DNAH8: variants seen among roughly 807,000 people sequenced by gnomAD.
DNAH8 encodes axonemal beta dynein heavy chain 8.
Under a neutral mutation model 562.1 loss-of-function variants are expected in DNAH8, and 382 were observed. The observed-to-expected ratio is 0.68, with a 90% CI of 0.63 to 0.74. The LOEUF (loss-of-function observed/expected upper bound fraction) is 0.74. Ranked by LOEUF, DNAH8 falls within the 30% of genes least tolerant of loss-of-function variation. DNAH8 has a pLI of 0.00. For missense variants in DNAH8, 5,203 were observed against 5,620.4 expected, an observed-to-expected ratio of 0.93 and a Z score of 2.37; for synonymous variants, 1,881 against 1,919.4, an observed-to-expected ratio of 0.98 and a Z score of 0.52.
intron 91 of DNAH8, among the ~76,000 whole-genome samples, chr6:39,018,502 C>T (rs1766699436): frequency 6.6e-6 from 1 of 152,200 alleles, no homozygotes; most frequent in African/African-American, 2.4e-5. Flanking sequence ...TCGGCCCCCT[C>T]GTTGATGACC....
intron 58 of DNAH8, among the ~76,000 whole-genome samples, chr6:38,891,220 G>A (rs1380919929): frequency 6.6e-6 from 1 of 152,176 alleles, no homozygotes; most frequent in African/African-American, 2.4e-5. Flanking sequence ...GTAAATGGAT[G>A]GAAATGTTCT....
At chr6:38,998,148 A>G (rs1257057288) in intron 88 of DNAH8, among the ~76,000 whole-genome samples, 1 of 152,192 alleles carries the variant, frequency 6.6e-6, no homozygotes, top group Non-Finnish European at 1.5e-5. Flanking sequence ...AGCATCCATA[A>G]ATTTGAGAGA....
chr6:38,901,557 A>T (rs759661347), intron 62 of DNAH8, among the ~76,000 whole-genome samples: 17 of 152,234 alleles, frequency 1.1e-4, no homozygotes, highest in Non-Finnish European at 1.9e-4. Context: ...ATTACCTACT[A>T]TATTAATTGC....
intron 17 of DNAH8, among the ~76,000 whole-genome samples, chr6:38,783,615 T>C (rs1476255905): frequency 1.3e-5 from 2 of 152,160 alleles, no homozygotes; most frequent in Non-Finnish European, 2.9e-5. Context: ...ATGAAGCGTT[T>C]TAGTGCACTG....
At chr6:38,943,068 G>A (rs747388565) in intron 79 of DNAH8, among the ~76,000 whole-genome samples, 5 of 152,196 alleles carry the variant, frequency 3.3e-5, no homozygotes, top group Admixed American at 2.6e-4. Context: ...GAACTATACT[G>A]TATAGGGCCA....
chr6:38,840,245 GTCA>G (rs1774668074), intron 33 of DNAH8, among the ~76,000 whole-genome samples: 1 of 152,166 alleles, frequency 6.6e-6, no homozygotes, highest in African/African-American at 2.4e-5. Context: ...AACTCGGACA[GTCA>G]TCATTTTTTT....
At position 38,883,476 on chromosome 6, in the gene DNAH8, G is replaced by A; in HGVS notation, c.8136+20G>A. 6.2e-7 allele frequency: 1 copy of A among 1,600,830 alleles called. No individual in the cohort carries two copies. Among genetic ancestry groups the A allele is most frequent in the Non-Finnish European group, 8.5e-7 (1 of 1,174,050 alleles). The stretch of plus-strand genomic sequence containing the variant: ...TTTCAGGTGAAATCCATCATTTGCT[G>A]TAATATTATAAACATAATACATTTT... On this transcript the variant is annotated intron_variant, in intron 55 of 92. Transcript: ENST00000327475.
Position 38,826,086 on chromosome 6 carries a change from A to G in DNAH8, c.3848-70A>G, listed in dbSNP as rs1583110537. 6 of 1,019,610 alleles carry G rather than the reference A, an allele frequency of 5.9e-6. No individual in the cohort carries two copies. In the East Asian group the frequency reaches 1.0e-4, roughly 17 times the overall value. The allele number at this position is 1,019,610 out of a possible 1,614,324, so 63.2% of individuals were successfully genotyped here. Reference sequence around the variant, plus strand: ...TAGTGACTACTGAATTGGACAGAGCAATTATAGATGCCCTTATAGTTTCAG... The same window carrying G: ...TAGTGACTACTGAATTGGACAGAGCGATTATAGATGCCCTTATAGTTTCAG... On this transcript the variant is annotated intron_variant, in intron 28 of 92. Transcript: ENST00000327475.
intron 13 of DNAH8, 42 bp downstream of exon 13, chr6:38,775,993 T>C (rs1768025476): frequency 8.0e-7 from 1 of 1,249,076 alleles, no homozygotes; most frequent in Admixed American, 1.7e-5. Context: ...AGCTGAAAAG[T>C]AGTCAGTAGT....
rs146597743 is a variant in DNAH8, at chr6:39,018,726, A to G, written c.13714+6089A>G. Among the ~76,000 whole-genome samples the G allele has an allele frequency of 2.5e-3, 388 of 152,258 alleles. 1 individual carries two copies. Among genetic ancestry groups the G allele is most frequent in the African/African-American group, 7.6e-3 (317 of 41,560 alleles). On this transcript the variant is annotated intron_variant, in intron 91 of 92. Coordinates refer to ENST00000327475, the MANE Select transcript of DNAH8 (RefSeq NM_001206927.2). The stretch of plus-strand genomic sequence containing the variant: ...CTTGTGAATGGGCTCCTCATGTCAA[A>G]CAGTGTGGAAGAGGGAAACCAGGAC...
At chr6:38,940,110 C>T (rs1327404898) in intron 79 of DNAH8, among the ~76,000 whole-genome samples, 1 of 152,074 alleles carries the variant, frequency 6.6e-6, no homozygotes, top group Non-Finnish European at 1.5e-5. Flanking sequence ...CGTGATTGAT[C>T]ATTATGGTCA....
chr6:38,909,470 T>G, intron 64 of DNAH8, 48 bp from the exon 65 acceptor site: 2 of 1,574,330 alleles, frequency 1.3e-6, no homozygotes, highest in Non-Finnish European at 1.7e-6. Flanking sequence ...TCTGGCTGAC[T>G]TATAACCCCT....
At chr6:38,887,370 T>C (rs559855960) in intron 57 of DNAH8, among the ~76,000 whole-genome samples, 181 of 152,172 alleles carry the variant, frequency 1.2e-3, no homozygotes, top group Non-Finnish European at 2.1e-3. Context: ...TTAATGAAAA[T>C]GAGATTCTTG....
chr6:38,883,330 G>C lies in DNAH8; in HGVS notation c.8010G>C (p.Leu2670Phe). The stretch of plus-strand genomic sequence containing the variant: ...TTATCCTATGATTGCAGGCTGTTTT[G>C]CTCACAGGAGAGCAGGGAACTGCAA... ...DTIAKQHKAV[L>F]LTGEQGTAKT... The change falls in exon 55 of 93, where the codon TTG (leucine) becomes TTC (phenylalanine). Residue 2670 changes from leucine to phenylalanine, a missense_variant. Physicochemically the swap from Leu to Phe is conservative, Grantham distance 22. Around this residue, in one of 6 missense-constraint regions of DNAH8, gnomAD observed 977 missense variants for 1,061.8 expected, o/e 0.92. Coordinates refer to ENST00000327475, the MANE Select transcript of DNAH8 (RefSeq NM_001206927.2). 1 of 1,607,818 alleles carries C rather than the reference G, an allele frequency of 6.2e-7. No homozygotes were observed. The highest frequency in any genetic ancestry group is 8.5e-7 in the Non-Finnish European group (1 of 1,177,624).
At chr6:39,009,626 T>C (rs1766050457) in intron 89 of DNAH8, among the ~76,000 whole-genome samples, 1 of 152,200 alleles carries the variant, frequency 6.6e-6, no homozygotes. Context: ...ATACACATTA[T>C]GACACTCAGT....
chr6:38,803,064 G>C (rs1383413437), intron 21 of DNAH8, 115 bp from the exon 22 acceptor site: 6 of 734,716 alleles, frequency 8.2e-6, no homozygotes, highest in African/African-American at 1.8e-5. Context: ...GCTATCTCTA[G>C]CTTTTTTTTT....
At chr6:38,733,624 T>C (rs902294655) in intron 4 of DNAH8, among the ~76,000 whole-genome samples, 2 of 152,124 alleles carry the variant, frequency 1.3e-5, no homozygotes, top group African/African-American at 4.8e-5. Flanking sequence ...TAAGATACAA[T>C]TATTAGCTGG....
chr6:39,019,415 G>T (rs1165704846), intron 91 of DNAH8, among the ~76,000 whole-genome samples: 1 of 152,220 alleles, frequency 6.6e-6, no homozygotes, highest in Non-Finnish European at 1.5e-5. Flanking sequence ...GAAGATGTTG[G>T]TGGAGAGATT....
intron 81 of DNAH8, among the ~76,000 whole-genome samples, chr6:38,951,069 T>A (rs1761872888): frequency 6.6e-6 from 1 of 152,210 alleles, no homozygotes; most frequent in African/African-American, 2.4e-5. Flanking sequence ...GTGTTGGAGC[T>A]GGTAGAGGAC....
Sources: allele counts gnomAD v4.1 joint callset (sites outside exome capture counted in the v4.1 genomes callset), GRCh38; gene constraint gnomAD v4.1.1; regional missense constraint gnomAD v4.1.1; transcripts MANE v1.5; gene names NCBI Gene and HGNC (gene_info 2026-07-23, HGNC 2026-07-21).